Variants in ASIC4 observed in about 807,000 individuals in gnomAD.
ASIC4 encodes acid sensing ion channel subunit family member 4.
Under a neutral mutation model 53.4 loss-of-function variants are expected in ASIC4, and 28 were observed. That is an observed-to-expected ratio of 0.52 (90% CI 0.39 to 0.72). The LOEUF (loss-of-function observed/expected upper bound fraction) is 0.72, where lower values mean the gene tolerates loss of function less well. ASIC4 is among the 30% of genes least tolerant of loss of function. The pLI, the probability that ASIC4 is intolerant of heterozygous loss-of-function variation, is 0.00. For synonymous variants in ASIC4, 289 were observed against 301.4 expected, an observed-to-expected ratio of 0.96 and a Z score of 0.43; for missense variants, 649 against 729.7, an observed-to-expected ratio of 0.89 and a Z score of 1.27.
Position 219,537,544 on chromosome 2 carries a change from C to G in ASIC4, c.1402-88C>G. The G allele has an allele frequency of 1.6e-6, 2 of 1,234,022 alleles. No homozygotes were observed. Among genetic ancestry groups the G allele is most frequent in the Non-Finnish European group, 2.3e-6 (2 of 872,814 alleles). 76.4% of individuals were successfully genotyped at this position (1,234,022 alleles called of 1,614,324 possible). A position where few individuals can be genotyped will look rare whatever the true frequency, so the allele number is the denominator to read the frequency against. ...CTGGGAGTTTGCTGTGGCAGTAAGT[C>G]CTGTGGGCAGCTGGGCATGGTAAGG... On this transcript the variant is annotated intron_variant, in intron 8 of 9. Transcript: ENST00000358078. This position sits in a 1 kb window ranked among gnomAD's most constrained non-coding sequence, Gnocchi z 4.9.
At chr2:219,509,606 G>A (rs1329770322), upstream of ASIC4, among the ~76,000 whole-genome samples, 36 of 152,074 alleles carry the variant, frequency 2.4e-4, no homozygotes. The surrounding 1 kb of genome is among the most constrained non-coding windows in gnomAD (Gnocchi z 5.2). Flanking sequence ...CTCTGGTGTG[G>A]AGGGAGTGGG....
Position 219,538,458 on chromosome 2 carries a change from G to T in ASIC4, c.*412G>T. The T allele has an allele frequency of 4.5e-6, 1 of 220,838 alleles. No homozygotes were observed. The highest frequency in any genetic ancestry group is 9.1e-6 in the Non-Finnish European group (1 of 109,462). 13.7% of individuals were successfully genotyped at this position (220,838 alleles called of 1,614,324 possible). A position where few individuals can be genotyped will look rare whatever the true frequency, so the allele number is the denominator to read the frequency against. ...GGGTGGGTGATTTAGGGACAGCCAG[G>T]GTCCCAGCCCCAATGTCAGCAGGAT... is the stretch of plus-strand genomic sequence containing the variant. On this transcript the variant is annotated 3_prime_UTR_variant, in exon 10 of 10. Coordinates refer to ENST00000358078, the MANE Select transcript of ASIC4 (RefSeq NM_018674.6).
intron 6 of ASIC4, 124 bp downstream of exon 6, chr2:219,535,448 TG>T: frequency 3.5e-6 from 4 of 1,137,184 alleles, no homozygotes; most frequent in Non-Finnish European, 4.9e-6. Context: ...TGTGTGTATG[TG>T]GGTGTGGGTG....
Position 219,538,222 on chromosome 2 carries a change from T to G in ASIC4, c.*176T>G. The G allele has an allele frequency of 1.6e-6, 1 of 626,398 alleles. No individual in the cohort carries two copies. The highest frequency in any genetic ancestry group is 1.9e-5 in the South Asian group (1 of 52,806). 38.8% of individuals were successfully genotyped at this position (626,398 alleles called of 1,614,324 possible). A position where few individuals can be genotyped will look rare whatever the true frequency, so the allele number is the denominator to read the frequency against. On this transcript the variant is annotated 3_prime_UTR_variant, in exon 10 of 10. Transcript: ENST00000358078. ...AGCTGCTTTGCACAAAGGTCCTTCT[T>G]GTCCACACCCCTTATCCCCAGGCTG...
In ASIC4 at chr2:219,538,208, A is replaced by T; in HGVS notation, c.*162A>T. ...CCTGCCCTGATGTCAGCTGCTTTGCACAAAGGTCCTTCTTGTCCACACCCC... is the reference window on the plus strand; with the variant it reads ...CCTGCCCTGATGTCAGCTGCTTTGCTCAAAGGTCCTTCTTGTCCACACCCC... On this transcript the variant is annotated 3_prime_UTR_variant, in exon 10 of 10. Transcript: ENST00000358078. The T allele has an allele frequency of 1.5e-6, 1 of 661,920 alleles. No homozygotes were observed. Among genetic ancestry groups the T allele is most frequent in the South Asian group, 1.8e-5 (1 of 55,366 alleles). 41.0% of individuals were successfully genotyped at this position (661,920 alleles called of 1,614,324 possible).
the ASIC4 span, among the ~76,000 whole-genome samples, chr2:219,508,130 C>T: frequency 6.6e-6 from 1 of 152,176 alleles, no homozygotes; most frequent in Non-Finnish European, 1.5e-5. Flanking sequence ...CATTATCTCT[C>T]TTCATGGGAG....
rs1324275431 is a variant in ASIC4, at chr2:219,537,672, A to C, written c.1442A>C (p.Lys481Thr). 1 of 1,613,946 alleles carries C rather than the reference A, an allele frequency of 6.2e-7. No individual in the cohort carries two copies. Among genetic ancestry groups the C allele is most frequent in the Admixed American group, 1.7e-5 (1 of 59,982 alleles). ...CTGAAGCGGGTATGGAGGCGTCCCA[A>C]GACCCCCCTGCGGACCTCCACTGGG... ...DRLKRVWRRP[K>T]TPLRTSTGGI... is the part of the protein sequence containing the mutation. Residue 481 changes from lysine (K) to threonine (T), a missense_variant, in exon 9 of 10, where the codon AAG (lysine) becomes ACG (threonine). Transcript: ENST00000358078. The surrounding 1 kb of genome is among the most constrained non-coding windows in gnomAD (Gnocchi z 4.9).
intron 1 of ASIC4, among the ~76,000 whole-genome samples, chr2:219,523,445 A>T (rs553949613): frequency 3.7e-4 from 57 of 152,276 alleles, no homozygotes; most frequent in African/African-American, 1.3e-3. Flanking sequence ...TTACATTTGA[A>T]CAAACACCTC....
At chr2:219,530,666 G>A (rs1695028034) in intron 1 of ASIC4, among the ~76,000 whole-genome samples, 1 of 152,210 alleles carries the variant, frequency 6.6e-6, no homozygotes, top group African/African-American at 2.4e-5. Context: ...CTTCAGTGAT[G>A]GGCAGCTAGC....
chr2:219,524,028 G>A (rs567544987), intron 1 of ASIC4, among the ~76,000 whole-genome samples: 1 of 152,256 alleles, frequency 6.6e-6, no homozygotes, highest in African/African-American at 2.4e-5. Flanking sequence ...TCGCTATGTT[G>A]CCTAGATTGG....
At position 219,531,799 on chromosome 2, in the gene ASIC4, C is replaced by T. The variant is rs763821362; in HGVS notation, c.624C>T (p.Asp208=). 13 of 1,612,986 alleles carry T rather than the reference C, an allele frequency of 8.1e-6. No individual in the cohort carries two copies. Among genetic ancestry groups the T allele is most frequent in the Middle Eastern group, 3.3e-4 (2 of 6,078 alleles). ...GGAAGTGTTACACCTTCAACGCGGACCCGCGGAGCTCGCTGCCCAGCCGGG... is the reference window on the plus strand; with the variant it reads ...GGAAGTGTTACACCTTCAACGCGGATCCGCGGAGCTCGCTGCCCAGCCGGG... ...RYGKCYTFNA[D]PRSSLPSRAG... The change falls in exon 2 of 10, where the codon GAC becomes GAT. Residue 208 remains aspartate (D), a synonymous_variant. Transcript: ENST00000358078.
upstream of ASIC4, among the ~76,000 whole-genome samples, chr2:219,511,736 T>G (rs1253032060): frequency 4.1e-4 from 33 of 80,008 alleles, no homozygotes; most frequent in South Asian, 1.5e-3. The surrounding 1 kb of genome is among the most constrained non-coding windows in gnomAD (Gnocchi z 5.3). Context: ...CAGGGAGGGG[T>G]GGGGGAGCTT....
upstream of ASIC4, among the ~76,000 whole-genome samples, chr2:219,510,111 T>G (rs1272851823): frequency 6.6e-6 from 1 of 152,012 alleles, no homozygotes; most frequent in East Asian, 1.9e-4. The surrounding 1 kb of genome is among the most constrained non-coding windows in gnomAD (Gnocchi z 5.2). Flanking sequence ...TGGCCCCTGA[T>G]GAAACCCTGC....
rs1574495664 is a variant in ASIC4, at chr2:219,535,399, CTG to C, written c.1229+81_1229+82del. 23 of 1,449,248 alleles carry C rather than the reference CTG, an allele frequency of 1.6e-5. No homozygotes were observed. In the East Asian group the frequency reaches 3.3e-4, roughly 21 times the overall value. The allele number at this position is 1,449,248 out of a possible 1,614,324, so 89.8% of individuals were successfully genotyped here. On this transcript the variant is annotated intron_variant, in intron 6 of 9. Transcript: ENST00000358078. ...GTGTGTGGGGGGTGGCTGTGTGACT[CTG>C]TGTGTACGTGTGTGTGAGTGTATGT...
chr2:219,510,830 C>T (rs1694691093), upstream of ASIC4, among the ~76,000 whole-genome samples: 1 of 152,086 alleles, frequency 6.6e-6, no homozygotes, highest in Non-Finnish European at 1.5e-5. The surrounding 1 kb of genome is among the most constrained non-coding windows in gnomAD (Gnocchi z 5.2). Context: ...AGATCACGTT[C>T]GGGACTCCCC....
chr2:219,532,216 C>A, intron 3 of ASIC4, 88 bp downstream of exon 3: 1 of 1,599,644 alleles, frequency 6.3e-7, no homozygotes. Context: ...CCTCTAGAAG[C>A]TCAGAGCCTG....
chr2:219,527,422 G>A (rs1426489407), intron 1 of ASIC4, among the ~76,000 whole-genome samples: 1 of 152,180 alleles, frequency 6.6e-6, no homozygotes, highest in Non-Finnish European at 1.5e-5. Context: ...CACCACCCTC[G>A]CCAGCTGGGC....
At chr2:219,514,230 T>C (rs1034498212), upstream of ASIC4, 1 of 1,266,236 alleles carries the variant, frequency 7.9e-7, no homozygotes, top group African/African-American at 1.5e-5. Flanking sequence ...TTGGGATCTC[T>C]GTCCTGGGCT....
In ASIC4 at chr2:219,515,034, G is replaced by A. The variant is rs115934162; in HGVS notation, c.310G>A (p.Ala104Thr). The A allele has an allele frequency of 5.0e-5, 80 of 1,613,596 alleles. No homozygotes were observed. The East Asian group carries it at 1.4e-3, about 28-fold the overall frequency. ...GCCTCACCTGGTGGCAATGGACCCC[G>A]CTGCCCCAGCCCCAGTGGCGGGCTT... ...TRPHLVAMDP[A>T]APAPVAGFPA... Residue 104 changes from alanine (A) to threonine (T), a missense_variant, in exon 1 of 10, where the codon GCT becomes ACT. Physicochemically the swap from Ala to Thr is moderately conservative, Grantham distance 58. Coordinates refer to ENST00000358078, the MANE Select transcript of ASIC4 (RefSeq NM_018674.6).
Sources: gnomAD v4.1 joint callset for allele counts (sites outside exome capture counted in the v4.1 genomes callset) on GRCh38, gnomAD v4.1.1 for gene constraint, Gnocchi (gnomAD v3.1) non-coding constraint, MANE v1.5 for transcripts, NCBI Gene and HGNC (gene_info 2026-07-23, HGNC 2026-07-21) for gene names.